The following TBC1D30 variants were observed in gnomAD, a reference collection of about 807,000 sequenced individuals.
TBC1D30 encodes the protein TBC1 domain family, member 30.
A neutral mutation model predicts 63.2 loss-of-function variants in TBC1D30; 31 were observed. That is an observed-to-expected ratio of 0.49 (90% confidence interval 0.37 to 0.66). The LOEUF is 0.66. Ranked by LOEUF, TBC1D30 falls within the 30% of genes least tolerant of loss-of-function variation. The probability of loss-of-function intolerance (pLI) is 0.00; values close to 1 mark genes in which losing one functional copy is unlikely to be tolerated. For missense variants in TBC1D30, 810 were observed against 953.6 expected (o/e 0.85, Z 1.98); for synonymous variants, 307 against 361.5 (o/e 0.85, Z 1.71).
intron 7 of TBC1D30, among the ~76,000 whole-genome samples, chr12:64,840,548 T>G (rs903178): frequency 0.67 from 102,003 of 152,092 alleles, 34,565 homozygotes; most frequent in East Asian, 0.9. Context: ...CAATGAACAG[T>G]CGCTGTTCTA....
At chr12:64,784,196 G>C (rs905323655) in intron 1 of TBC1D30, among the ~76,000 whole-genome samples, 1 of 151,858 alleles carries the variant, frequency 6.6e-6, no homozygotes, top group Non-Finnish European at 1.5e-5. Flanking sequence ...ATTTATGTTA[G>C]TGTTTATAAA....
At chr12:64,793,524 G>GTGGCACGCAC (rs1383249259) in intron 2 of TBC1D30, among the ~76,000 whole-genome samples, 2 of 151,692 alleles carry the variant, frequency 1.3e-5, no homozygotes, top group Non-Finnish European at 2.9e-5. Flanking sequence ...GCTGGGCGTG[G>GTGGCACGCAC]TGGCACGCAC....
At chr12:64,794,505 G>A (rs932083061) in intron 2 of TBC1D30, among the ~76,000 whole-genome samples, 7 of 151,744 alleles carry the variant, frequency 4.6e-5, no homozygotes, top group Non-Finnish European at 8.8e-5. Context: ...TGGTGCAATC[G>A]TGGCTCACTG....
At chr12:64,858,379 A>G (rs1008731265) in intron 8 of TBC1D30, among the ~76,000 whole-genome samples, 3 of 152,334 alleles carry the variant, frequency 2.0e-5, no homozygotes, top group Non-Finnish European at 2.9e-5. Flanking sequence ...ACAGCTGGGA[A>G]TATGCTGGAT....
At chr12:64,781,506 G>A (rs1176680981) in intron 1 of TBC1D30, among the ~76,000 whole-genome samples, 1 of 152,156 alleles carries the variant, frequency 6.6e-6, no homozygotes, top group Non-Finnish European at 1.5e-5. Context: ...GATGGAGTGG[G>A]CAGTTTCCCC....
At chr12:64,845,056 GT>G (rs1876240773) in intron 8 of TBC1D30, among the ~76,000 whole-genome samples, 2 of 152,112 alleles carry the variant, frequency 1.3e-5, no homozygotes, top group Admixed American at 1.3e-4. Context: ...CTTGGCTATT[GT>G]GAACAGTGCT....
At chr12:64,781,162 C>T in exon 1 of TBC1D30, 1 of 1,031,334 alleles carries the variant, frequency 9.7e-7, no homozygotes, top group Non-Finnish European at 1.2e-6. Flanking sequence ...TCGACAGCTC[C>T]ACCGAGGCCT....
At chr12:64,834,404 CTT>C (rs34733475) in intron 5 of TBC1D30, among the ~76,000 whole-genome samples, 86 of 120,278 alleles carry the variant, frequency 7.2e-4, no homozygotes, top group African/African-American at 1.8e-3. Context: ...TTAGCCAAAT[CTT>C]TTTTTTTTTT....
intron 8 of TBC1D30, among the ~76,000 whole-genome samples, chr12:64,857,197 G>T (rs1043545150): frequency 6.6e-6 from 1 of 152,086 alleles, no homozygotes; most frequent in Admixed American, 6.5e-5. Context: ...CTGGAAATAT[G>T]CTGGGTCTCC....
At chr12:64,766,506 TTATAAA>T (rs1246276249) in intron 1 of TBC1D30, among the ~76,000 whole-genome samples, 1 of 152,052 alleles carries the variant, frequency 6.6e-6, no homozygotes, top group Admixed American at 6.6e-5. Flanking sequence ...GATATAACAA[TTATAAA>T]TATATATGGA....
intron 2 of TBC1D30, chr12:64,818,330 C>T: frequency 1.2e-6 from 1 of 865,232 alleles, no homozygotes; most frequent in Non-Finnish European, 1.4e-6. Flanking sequence ...ATATATAATA[C>T]TTAAGATGTA....
intron 1 of TBC1D30, among the ~76,000 whole-genome samples, chr12:64,761,297 C>T (rs1196180593): frequency 6.6e-6 from 1 of 152,026 alleles, no homozygotes; most frequent in Non-Finnish European, 1.5e-5. Flanking sequence ...CTATTTGAGG[C>T]CAGAAATTGT....
Position 64,836,104 on chromosome 12 carries a change from G to T in TBC1D30, c.595-386G>T, listed in dbSNP as rs1267396657. Among the ~76,000 whole-genome samples the T allele has an allele frequency of 2.0e-5, 3 of 152,270 alleles. No homozygotes were observed. The East Asian group carries it at 5.8e-4, about 29-fold the overall frequency. On this transcript the variant is annotated intron_variant, in intron 5 of 11. Transcript: ENST00000539867. ...GCCTGCTCTTAGTTTTCATATTGAG[G>T]TTGTAAAACTGTGCTGACATCAAGG... is the stretch of plus-strand genomic sequence containing the variant.
At chr12:64,842,981 C>A (rs1023072624) in intron 7 of TBC1D30, among the ~76,000 whole-genome samples, 1 of 152,132 alleles carries the variant, frequency 6.6e-6, no homozygotes, top group African/African-American at 2.4e-5. Context: ...GATTGATAAC[C>A]TGAGTTATTT....
chr12:64,877,240 C>T lies in TBC1D30; in HGVS notation c.*1452C>T, dbSNP rs1276286418. 6 of 180,374 alleles carry T rather than the reference C, an allele frequency of 3.3e-5. No homozygotes were observed. The East Asian group carries it at 5.7e-4, about 17-fold the overall frequency. 11.2% of individuals were successfully genotyped at this position (180,374 alleles called of 1,614,324 possible). Reference sequence around the variant, plus strand: ...TCACTCCTCAATCCCCTTCTCCTCGCCATCATTAGAGGAATAGACTCAGCC... The same window carrying T: ...TCACTCCTCAATCCCCTTCTCCTCGTCATCATTAGAGGAATAGACTCAGCC... On this transcript the variant is annotated 3_prime_UTR_variant, in exon 12 of 12. Transcript: ENST00000539867.
intron 4 of TBC1D30, 98 bp from the exon 5 acceptor site, chr12:64,832,021 G>A (rs867521934): frequency 2.9e-5 from 34 of 1,180,328 alleles, no homozygotes; most frequent in African/African-American, 1.4e-4. Flanking sequence ...ATTTTATGTC[G>A]ATGATTTGAC....
chr12:64,765,332 A>C (rs988342758), intron 1 of TBC1D30, among the ~76,000 whole-genome samples: 1 of 151,638 alleles, frequency 6.6e-6, no homozygotes. Flanking sequence ...ACTAAAAAAT[A>C]CAAAAAATTA....
chr12:64,823,864 A>G (rs981417400), upstream of TBC1D30, among the ~76,000 whole-genome samples: 6 of 152,168 alleles, frequency 3.9e-5, no homozygotes, highest in African/African-American at 1.4e-4. Context: ...AGGCACATCA[A>G]GAGAGGACTC....
chr12:64,828,579 C>A, intron 3 of TBC1D30, 70 bp downstream of exon 3: 1 of 996,812 alleles, frequency 1.0e-6, no homozygotes, highest in South Asian at 1.5e-5. Context: ...TCTGGAATGT[C>A]AAAAAATATA....
Sources: allele counts gnomAD v4.1 joint callset (sites outside exome capture counted in the v4.1 genomes callset), GRCh38; gene constraint gnomAD v4.1.1; transcripts MANE v1.5; gene names NCBI Gene and HGNC (gene_info 2026-07-23, HGNC 2026-07-21).